Variants in BLM observed in about 807,000 individuals in gnomAD.
The protein encoded by BLM is BLM RecQ like helicase, also known as recQ-like DNA helicase BLM.
In BLM, 95 loss-of-function variants were observed where a neutral mutation model predicts 135.3. The ratio of observed to expected loss-of-function variants is 0.70; its 90% CI spans 0.59 to 0.83. The LOEUF is 0.83. BLM is among the 40% of genes least tolerant of loss of function. The pLI is 0.00. For synonymous variants in BLM, 520 were observed against 589.2 expected (o/e 0.88, Z 1.70); for missense variants, 1,518 against 1,663.9 (o/e 0.91, Z 1.53).
chr15:90,767,103 G>A (rs1024270616), intron 10 of BLM, 80 bp downstream of exon 10: 20 of 892,346 alleles, frequency 2.2e-5, no homozygotes, highest in Admixed American at 5.8e-5. Context: ...ACAAAATTTT[G>A]TATACGTAGT....
chr15:90,744,171 G>C (rs1030084944), intron 1 of BLM, among the ~76,000 whole-genome samples: 1 of 152,150 alleles, frequency 6.6e-6, no homozygotes, highest in Admixed American at 6.5e-5. Flanking sequence ...ACTTTGTTCT[G>C]CTTAGTGTCA....
At chr15:90,769,691 C>A in intron 12 of BLM, 105 bp downstream of exon 12, 1 of 1,352,496 alleles carries the variant, frequency 7.4e-7, no homozygotes, top group Admixed American at 2.0e-5. Flanking sequence ...ACCCCACCCC[C>A]ACCCCACCCC....
Position 90,749,761 on chromosome 15 carries a change from A to G in BLM, c.493A>G (p.Thr165Ala). ...DDMDDFDTSE[T>A]SKSFVTPPQS... ...TATGGATGACTTTGATACTTCTGAG[A>G]CTTCAAAATCATTTGTTACACCACC... The change falls in exon 3 of 22, where the codon ACT becomes GCT. Residue 165 changes from threonine to alanine, a missense_variant. Thr to Ala is a moderately conservative substitution (Grantham distance 58, BLOSUM62 0). This residue lies in a region of BLM where 724 missense variants were observed against 756.9 expected (regional missense o/e 0.96). Coordinates refer to ENST00000355112, the MANE Select transcript of BLM (RefSeq NM_000057.4). 1 of 1,613,378 alleles carries G rather than the reference A, an allele frequency of 6.2e-7. No individual in the cohort carries two copies. Among genetic ancestry groups the G allele is most frequent in the South Asian group, 1.1e-5 (1 of 91,034 alleles).
chr15:90,782,726 G>A (rs1896647162), intron 12 of BLM, 96 bp from the exon 13 acceptor site: 1 of 908,278 alleles, frequency 1.1e-6, no homozygotes, highest in Non-Finnish European at 1.8e-6. Flanking sequence ...ATCACACTGG[G>A]GGTTAGGATT....
chr15:90,780,722 A>C (rs939976940), intron 12 of BLM, among the ~76,000 whole-genome samples: 1 of 152,254 alleles, frequency 6.6e-6, no homozygotes, highest in Admixed American at 6.5e-5. Context: ...ACATGAATGA[A>C]GTGATGTGTA....
At chr15:90,790,588 A>G in intron 14 of BLM, 61 bp from the exon 15 acceptor site, 1 of 1,475,826 alleles carries the variant, frequency 6.8e-7, no homozygotes, top group Non-Finnish European at 9.5e-7. Flanking sequence ...AGCATCTATT[A>G]TGAAAATGTT....
At chr15:90,768,749 C>T (rs936336819) in intron 10 of BLM, among the ~76,000 whole-genome samples, 10 of 151,936 alleles carry the variant, frequency 6.6e-5, no homozygotes, top group Non-Finnish European at 8.8e-5. Flanking sequence ...TTTTCGAGAC[C>T]GAGTTTCGGT....
intron 12 of BLM, among the ~76,000 whole-genome samples, chr15:90,776,588 C>A (rs1349421930): frequency 6.6e-6 from 1 of 152,198 alleles, no homozygotes; most frequent in African/African-American, 2.4e-5. Flanking sequence ...GTGGTGCGAT[C>A]TCGGCTCACT....
At chr15:90,790,147 CTGA>C (rs1447268568) in intron 14 of BLM, 1 of 160,538 alleles carries the variant, frequency 6.2e-6, no homozygotes, top group Admixed American at 6.0e-5. Flanking sequence ...ATTGGGAAAA[CTGA>C]TGATAAGCAG....
chr15:90,722,082 C>G (rs888902143), intron 1 of BLM, among the ~76,000 whole-genome samples: 2 of 151,974 alleles, frequency 1.3e-5, no homozygotes, highest in Admixed American at 6.5e-5. Context: ...GGCAGGAGTT[C>G]GAGACCAGCC....
rs971749709 is a variant in BLM, at chr15:90,784,863, T to C, written c.2663-58T>C. 9.7e-6 allele frequency: 15 copies of C among 1,549,864 alleles called. No individual in the cohort carries two copies. In the East Asian group the frequency reaches 1.8e-4, roughly 19 times the overall value. ...TATATTTCTGAAAATGTAGTGTAAA[T>C]TGTGTTTTTGTTTATGTTAAAAATT... On this transcript the variant is annotated intron_variant, in intron 13 of 21. Coordinates refer to ENST00000355112, the MANE Select transcript of BLM (RefSeq NM_000057.4).
intron 5 of BLM, among the ~76,000 whole-genome samples, chr15:90,756,835 C>A (rs1895832368): frequency 6.6e-6 from 1 of 152,186 alleles, no homozygotes; most frequent in Admixed American, 6.5e-5. Flanking sequence ...TAGAGTCCTA[C>A]AGACCTGTAA....
At chr15:90,727,614 A>G (rs1038334978) in intron 1 of BLM, among the ~76,000 whole-genome samples, 7 of 152,160 alleles carry the variant, frequency 4.6e-5, no homozygotes, top group African/African-American at 1.7e-4. Context: ...CCCTAGATTC[A>G]GAGTCTCTAA....
At chr15:90,746,497 C>T (rs1034926646) in intron 1 of BLM, among the ~76,000 whole-genome samples, 4 of 152,144 alleles carry the variant, frequency 2.6e-5, no homozygotes, top group Non-Finnish European at 5.9e-5. Flanking sequence ...CTTCTAAATT[C>T]TGATTTTCAC....
chr15:90,735,971 CA>C (rs1418370321), intron 1 of BLM, among the ~76,000 whole-genome samples: 1 of 152,138 alleles, frequency 6.6e-6, no homozygotes, highest in Admixed American at 6.5e-5. Context: ...TGAGCAGATA[CA>C]ATTTTTTAAA....
At chr15:90,735,268 TA>T (rs1895183171) in intron 1 of BLM, among the ~76,000 whole-genome samples, 2 of 142,584 alleles carry the variant, frequency 1.4e-5, no homozygotes, top group African/African-American at 2.6e-5. Context: ...TATATATATA[TA>T]TATTTAAGTT....
At chr15:90,809,386 C>A in intron 20 of BLM, 127 bp downstream of exon 20, 1 of 1,488,002 alleles carries the variant, frequency 6.7e-7, no homozygotes, top group Non-Finnish European at 9.3e-7. Context: ...CCAAGTCAGC[C>A]CCCAGTGGTG....
chr15:90,726,795 G>T (rs574393527), intron 1 of BLM, among the ~76,000 whole-genome samples: 2 of 152,126 alleles, frequency 1.3e-5, no homozygotes. Flanking sequence ...GTATTCTGTT[G>T]TATAAATGTA....
intron 14 of BLM, among the ~76,000 whole-genome samples, chr15:90,786,565 T>TCCTC (rs1896754494): frequency 6.6e-6 from 1 of 152,202 alleles, no homozygotes; most frequent in Non-Finnish European, 1.5e-5. Context: ...TATTCATCCT[T>TCCTC]GTGTGTGGGA....
Sources: gnomAD v4.1 joint callset for allele counts (sites outside exome capture counted in the v4.1 genomes callset) on GRCh38, gnomAD v4.1.1 for gene constraint, gnomAD v4.1.1 regional missense constraint, MANE v1.5 for transcripts, NCBI Gene and HGNC (gene_info 2026-07-23, HGNC 2026-07-21) for gene names.